GAS2: variants seen among roughly 807,000 people sequenced by gnomAD.
GAS2 encodes growth arrest specific 2, also known as growth arrest-specific protein 2.
A neutral mutation model predicts 37.5 loss-of-function variants in GAS2; 20 were observed. The ratio of observed to expected loss-of-function variants is 0.53; its 90% CI spans 0.37 to 0.77. The LOEUF (loss-of-function observed/expected upper bound fraction) is 0.77, where lower values mean the gene tolerates loss of function less well. GAS2 is among the 30% of genes least tolerant of loss of function. GAS2 has a pLI of 0.00. For synonymous variants in GAS2, 144 were observed against 132.2 expected, an observed-to-expected ratio of 1.09 and a Z score of -0.61; for missense variants, 336 against 373.4, an observed-to-expected ratio of 0.90 and a Z score of 0.82.
At chr11:22,652,175 C>G (rs1206977224) in intron 1 of GAS2, among the ~76,000 whole-genome samples, 1 of 152,250 alleles carries the variant, frequency 6.6e-6, no homozygotes, top group South Asian at 2.1e-4. Flanking sequence ...TTGGAGTACC[C>G]GGCCGTGTGA....
At chr11:22,717,205 A>G (rs1017978741) in intron 3 of GAS2, among the ~76,000 whole-genome samples, 14 of 152,224 alleles carry the variant, frequency 9.2e-5, no homozygotes, top group Admixed American at 5.9e-4. Flanking sequence ...AGACTAAGCA[A>G]AAAGAACAAA....
chr11:22,779,018 C>A (rs1350419466), intron 7 of GAS2, among the ~76,000 whole-genome samples: 4 of 147,920 alleles, frequency 2.7e-5, no homozygotes, highest in African/African-American at 9.9e-5. Flanking sequence ...TAAACTAGGG[C>A]AAAACAATGA....
intron 5 of GAS2, 82 bp from the exon 6 acceptor site, chr11:22,749,038 T>C: frequency 7.8e-7 from 1 of 1,290,012 alleles, no homozygotes; most frequent in Non-Finnish European, 1.1e-6. Flanking sequence ...TTTACTCCCA[T>C]GGTGCTCATC....
Position 22,652,643 on chromosome 11 carries a change from G to A in GAS2, c.-20-22207G>A, listed in dbSNP as rs559165133. Among the ~76,000 whole-genome samples the A allele has an allele frequency of 1.2e-4, 18 of 152,330 alleles. 1 individual carries two copies. In the East Asian group the frequency reaches 1.9e-3, roughly 16 times the overall value. On this transcript the variant is annotated intron_variant, in intron 1 of 5. Transcript: ENST00000528582. ...TCCCGGTGTGCTGTGTTTTAAGCCC[G>A]TGGGAAAAGCGCAGTATTCGGGTGG...
In GAS2 at chr11:22,631,946, CTTTTTT is replaced by C. The variant is rs35928910; in HGVS notation, c.-21+6149_-21+6154del. Reference sequence around the variant, plus strand: ...GGCTGTGAATCCATCTGGCCCTGGACTTTTTTTTTTTTTTTTTTTTTGACAAATTTT... The same window carrying C: ...GGCTGTGAATCCATCTGGCCCTGGACTTTTTTTTTTTTTTTGACAAATTTT... On this transcript the variant is annotated intron_variant, in intron 1 of 5. Coordinates refer to the GAS2 transcript ENST00000528582. Among the ~76,000 whole-genome samples, 544 of 82,974 alleles carry C rather than the reference CTTTTTT, an allele frequency of 6.6e-3. 6 individuals carry two copies. Among genetic ancestry groups the C allele is most frequent in the African/African-American group, 0.022 (518 of 23,052 alleles). 54.4% of individuals were successfully genotyped at this position (82,974 alleles called of 152,430 possible).
At chr11:22,784,872 A>G (rs1855749588) in intron 7 of GAS2, among the ~76,000 whole-genome samples, 1 of 152,104 alleles carries the variant, frequency 6.6e-6, no homozygotes, top group Non-Finnish European at 1.5e-5. Context: ...GCTTTTAACT[A>G]TAAGATCTGA....
rs1196350325 is a variant in GAS2 at position 22,752,326 on chromosome 11, A to T, written c.615+3065A>T. Among the ~76,000 whole-genome samples the T allele has an allele frequency of 2.0e-5, 3 of 151,848 alleles. No homozygotes were observed. The East Asian group carries it at 5.8e-4, about 29-fold the overall frequency. On this transcript the variant is annotated intron_variant, in intron 6 of 7. Transcript: ENST00000454584. ...ACACTGGGGAAAACTGCATTGAACT[A>T]TTTGCATTCTGTTTGATAGGTTTTT...
chr11:22,753,445 T>C (rs142271425), intron 6 of GAS2, among the ~76,000 whole-genome samples: 2 of 152,038 alleles, frequency 1.3e-5, no homozygotes, highest in African/African-American at 4.8e-5. Flanking sequence ...ATACCAAGAG[T>C]TTCTGTCTTT....
chr11:22,735,796 G>T (rs1852721938), intron 4 of GAS2, among the ~76,000 whole-genome samples: 1 of 151,790 alleles, frequency 6.6e-6, no homozygotes, highest in South Asian at 2.1e-4. Flanking sequence ...AATTTAGTCA[G>T]TTAACTAATA....
At chr11:22,754,927 GCTTT>G (rs1853943579) in intron 6 of GAS2, among the ~76,000 whole-genome samples, 1 of 152,096 alleles carries the variant, frequency 6.6e-6, no homozygotes, top group Non-Finnish European at 1.5e-5. Flanking sequence ...ATCATTTACG[GCTTT>G]CTGTTTCTTC....
At chr11:22,760,172 G>A (rs931488765) in intron 7 of GAS2, among the ~76,000 whole-genome samples, 2 of 151,344 alleles carry the variant, frequency 1.3e-5, no homozygotes, top group East Asian at 3.9e-4. Flanking sequence ...GTAGAGACAG[G>A]AATTCATCAT....
intron 7 of GAS2, among the ~76,000 whole-genome samples, chr11:22,802,010 TAAAA>T (rs199905124): frequency 6.8e-6 from 1 of 147,294 alleles, no homozygotes; most frequent in Non-Finnish European, 1.5e-5. Flanking sequence ...AGAGAAAATA[TAAAA>T]AAAAAAGCAA....
At chr11:22,753,894 T>C (rs1455010729) in intron 6 of GAS2, among the ~76,000 whole-genome samples, 1 of 152,150 alleles carries the variant, frequency 6.6e-6, no homozygotes, top group Non-Finnish European at 1.5e-5. Context: ...CCTGTGACCC[T>C]ACCCTCAGTC....
intron 3 of GAS2, among the ~76,000 whole-genome samples, chr11:22,701,085 A>G (rs563120163): frequency 9.2e-5 from 14 of 152,184 alleles, no homozygotes; most frequent in African/African-American, 1.7e-4. Context: ...ATGTAAAAAT[A>G]CAATTTCTAT....
chr11:22,698,840 A>G (rs998876136), intron 3 of GAS2, among the ~76,000 whole-genome samples: 12 of 152,220 alleles, frequency 7.9e-5, no homozygotes, highest in Non-Finnish European at 1.3e-4. Flanking sequence ...GCATTCATTC[A>G]TGCAGTTAAT....
intron 7 of GAS2, among the ~76,000 whole-genome samples, chr11:22,774,348 A>G (rs1855144131): frequency 6.6e-6 from 1 of 152,150 alleles, no homozygotes. Flanking sequence ...TGTTACAAGT[A>G]TTTCTCTAAA....
At chr11:22,627,205 A>G (rs1858673772) in intron 1 of GAS2, among the ~76,000 whole-genome samples, 1 of 152,224 alleles carries the variant, frequency 6.6e-6, no homozygotes, top group Non-Finnish European at 1.5e-5. Flanking sequence ...GCTACTACAA[A>G]CTTAGAACCA....
chr11:22,765,983 C>T (rs1200405689), intron 7 of GAS2, among the ~76,000 whole-genome samples: 1 of 152,080 alleles, frequency 6.6e-6, no homozygotes, highest in Non-Finnish European at 1.5e-5. Context: ...GGGGAGGTGC[C>T]ACACACTTTA....
At chr11:22,764,174 T>A (rs1022653433) in intron 7 of GAS2, among the ~76,000 whole-genome samples, 4 of 151,700 alleles carry the variant, frequency 2.6e-5, no homozygotes, top group Non-Finnish European at 5.9e-5. Context: ...ATCCTTTTTT[T>A]AAGATTTTTT....
Sources: allele counts gnomAD v4.1 joint callset (sites outside exome capture counted in the v4.1 genomes callset), GRCh38; gene constraint gnomAD v4.1.1; transcripts MANE v1.5; gene names NCBI Gene and HGNC (gene_info 2026-07-23, HGNC 2026-07-21).